Variants in FAT2 observed in about 807,000 individuals in gnomAD.
FAT2 encodes protocadherin Fat 2.
FAT2 carries 150 observed loss-of-function variants against 295.3 expected under a neutral mutation model. That is an observed-to-expected ratio of 0.51 (90% CI 0.44 to 0.58). The LOEUF (loss-of-function observed/expected upper bound fraction) is 0.58. Among genes scored for constraint, FAT2 ranks in the 20% least tolerant of loss-of-function variants. The pLI is 0.00. For missense variants in FAT2, 4,868 were observed against 5,442.7 expected, an observed-to-expected ratio of 0.89 and a Z score of 3.32; for synonymous variants, 2,026 against 2,150.3, an observed-to-expected ratio of 0.94 and a Z score of 1.60.
intron 1 of FAT2, among the ~76,000 whole-genome samples, chr5:151,580,398 T>C (rs993182545): frequency 1.3e-5 from 2 of 152,182 alleles, no homozygotes; most frequent in Non-Finnish European, 2.9e-5. Context: ...TCCTGGAGGA[T>C]TTAATGAACA....
chr5:151,526,276 A>G (rs971979579), intron 17 of FAT2, among the ~76,000 whole-genome samples: 7 of 152,238 alleles, frequency 4.6e-5, no homozygotes, highest in Non-Finnish European at 1.0e-4. Flanking sequence ...TCAAGATCAC[A>G]CACTGCTGAA....
intron 11 of FAT2, among the ~76,000 whole-genome samples, chr5:151,539,702 A>G (rs977843143): frequency 1.3e-5 from 2 of 152,226 alleles, no homozygotes; most frequent in African/African-American, 2.4e-5. Context: ...GTTAAAAACT[A>G]CTTACTGTGT....
At position 151,522,026 on chromosome 5, in the gene FAT2, C is replaced by T; in HGVS notation, c.10567G>A (p.Glu3523Lys). ...GCAGAAGGTGCATAGTGGCTCTGCT[C>T]TGTGACATGGACACGGACAGACGTC... ...SLTSVRVHVT[E>K]QSHYAPSALP... Residue 3523 changes from glutamate (E) to lysine (K), a missense_variant, in exon 19 of 24, where the codon GAG becomes AAG. Physicochemically the swap from Glu to Lys is moderately conservative, Grantham distance 56. Around this residue, in one of 5 missense-constraint regions of FAT2, gnomAD observed 1,046 missense variants for 1,210.1 expected, o/e 0.86. Coordinates refer to ENST00000261800, the MANE Select transcript of FAT2 (RefSeq NM_001447.3). 6.2e-7 allele frequency: 1 copy of T among 1,612,706 alleles called. No individual in the cohort carries two copies.
chr5:151,585,778 A>G (rs1024335372), intron 1 of FAT2, among the ~76,000 whole-genome samples: 3 of 152,240 alleles, frequency 2.0e-5, no homozygotes, highest in Admixed American at 6.5e-5. Flanking sequence ...TCAAGATGCT[A>G]TAATTCTCTG....
At chr5:151,550,427 A>G (rs1450210743) in intron 8 of FAT2, among the ~76,000 whole-genome samples, 163 bp downstream of exon 8, 1 of 152,136 alleles carries the variant, frequency 6.6e-6, no homozygotes, top group Admixed American at 6.5e-5. Flanking sequence ...ACTTCCAGGC[A>G]TCCCTTATGG....
At chr5:151,537,195 GAGAGAAAGAAGA>G (rs1298875546) in intron 12 of FAT2, among the ~76,000 whole-genome samples, 2 of 150,680 alleles carry the variant, frequency 1.3e-5, no homozygotes, top group African/African-American at 4.9e-5. Flanking sequence ...AAGAGAGAGA[GAGAGAAAGAAGA>G]AGAGGAAGAA....
chr5:151,580,417 T>C (rs1758902283), intron 1 of FAT2, among the ~76,000 whole-genome samples: 1 of 152,208 alleles, frequency 6.6e-6, no homozygotes, highest in Non-Finnish European at 1.5e-5. Context: ...CACATGCATG[T>C]ATGACATTTG....
chr5:151,521,846 G>T lies in FAT2; in HGVS notation c.10747C>A (p.Pro3583Thr). 6.2e-7 allele frequency: 1 copy of T among 1,614,218 alleles called. No homozygotes were observed. The highest frequency in any genetic ancestry group is 1.6e-4 in the Middle Eastern group (1 of 6,062). ...TLGRHFSVGAPDGKIIAAQGL... is the reference protein window; with the variant it reads ...TLGRHFSVGATDGKIIAAQGL... ...TGGGCGGCGATAATCTTGCCATCAG[G>T]CGCACCCACTGAGAAGTGCCTGCCC... The change falls in exon 19 of 24, where the codon CCT becomes ACT. Residue 3583 changes from proline to threonine, a missense_variant. Transcript: ENST00000261800.
chr5:151,536,568 C>T (rs1452281115), intron 12 of FAT2, among the ~76,000 whole-genome samples: 1 of 152,132 alleles, frequency 6.6e-6, no homozygotes, highest in Non-Finnish European at 1.5e-5. Context: ...AAAGGAAGTC[C>T]ACTCCACCAG....
intron 3 of FAT2, among the ~76,000 whole-genome samples, chr5:151,558,076 T>C (rs1757855799): frequency 6.6e-6 from 1 of 152,238 alleles, no homozygotes. Flanking sequence ...AACATCTTTC[T>C]GGCTTAAGTT....
chr5:151,567,740 T>C lies in FAT2; in HGVS notation c.1192A>G (p.Lys398Glu). 3 of 1,614,156 alleles carry C rather than the reference T, an allele frequency of 1.9e-6. No individual in the cohort carries two copies. The highest frequency in any genetic ancestry group is 2.5e-6 in the Non-Finnish European group (3 of 1,180,040). The change falls in exon 2 of 24, where the codon AAG becomes GAG. Residue 398 changes from lysine (K) to glutamate (E), a missense_variant. Transcript: ENST00000261800. ...AATCCTACATTCTCTGAAGATGGCT[T>C]TAGAACATACTGCAGGTTGGGGAAG... ...PAFPNLQYVLKPSSENVGFKL... is the reference protein window; with the variant it reads ...PAFPNLQYVLEPSSENVGFKL...
intron 11 of FAT2, among the ~76,000 whole-genome samples, chr5:151,538,229 GAGA>G (rs1272457534): frequency 2.0e-5 from 3 of 152,192 alleles, no homozygotes; most frequent in Admixed American, 6.5e-5. Context: ...AGAGAGAATG[GAGA>G]AGTTCTGTCA....
intron 12 of FAT2, among the ~76,000 whole-genome samples, chr5:151,536,061 G>A (rs775371458): frequency 1.2e-4 from 19 of 152,140 alleles, no homozygotes; most frequent in Non-Finnish European, 2.6e-4. Context: ...TAATTATATA[G>A]AGATTTTGGA....
At position 151,559,120 on chromosome 5, in the gene FAT2, G is replaced by A. The variant is rs1377834161; in HGVS notation, c.3575-2718C>T. On this transcript the variant is annotated intron_variant, in intron 3 of 23. Transcript: ENST00000261800. ...GCTCAGTGACAGAGCTGGGAGCTCA[G>A]CGAGGGGAACAGGGATTCAGTTCTG... Among the ~76,000 whole-genome samples, 5 of 152,374 alleles carry A rather than the reference G, an allele frequency of 3.3e-5. No homozygotes were observed. The East Asian group carries it at 9.6e-4, about 29-fold the overall frequency.
At chr5:151,578,289 G>A (rs1043190531) in intron 1 of FAT2, among the ~76,000 whole-genome samples, 7 of 152,168 alleles carry the variant, frequency 4.6e-5, no homozygotes, top group African/African-American at 1.4e-4. Flanking sequence ...TTGCCACTTC[G>A]ATCCAATGGA....
rs369165654 is a variant in FAT2 at position 151,525,974 on chromosome 5, G to A, written c.10309-9C>T. ...CCAATGGGGGAGTTCTCCTGAGACC[G>A]AGAGTGACAAAGAAGGCAAAGAGCA... On this transcript the variant is annotated splice_polypyrimidine_tract_variant and intron_variant, in intron 17 of 23. Transcript: ENST00000261800. 65 of 1,613,274 alleles carry A rather than the reference G, an allele frequency of 4.0e-5. No individual in the cohort carries two copies. The highest frequency in any genetic ancestry group is 3.3e-4 in the Middle Eastern group (2 of 6,084).
At position 151,546,664 on chromosome 5, in the gene FAT2, CT is replaced by C. The variant is rs141575330; in HGVS notation, c.4790-328del. On this transcript the variant is annotated intron_variant, in intron 9 of 23. Coordinates refer to ENST00000261800, the MANE Select transcript of FAT2 (RefSeq NM_001447.3). Reference sequence around the variant, plus strand: ...ACTCCACCCTGAATTTCAGTGATGCCTTTTGTAGGAAAAGCTTCAGTTTGCA... The same window carrying C: ...ACTCCACCCTGAATTTCAGTGATGCCTTTGTAGGAAAAGCTTCAGTTTGCA... 9.7e-3 allele frequency among the ~76,000 whole-genome samples: 1,470 copies of C among 152,136 alleles called. 21 individuals are homozygous for C. Among genetic ancestry groups the C allele is most frequent in the African/African-American group, 0.034 (1,407 of 41,478 alleles).
At chr5:151,569,660 T>C (rs1013042112) in intron 1 of FAT2, among the ~76,000 whole-genome samples, 2 of 114,914 alleles carry the variant, frequency 1.7e-5, no homozygotes, top group Non-Finnish European at 4.1e-5. Context: ...AACACAGTCC[T>C]GAACTCTTAC....
In FAT2 at chr5:151,568,568, T is replaced by C; in HGVS notation, c.364A>G (p.Thr122Ala). ...GCTTCCAACTCCAAGGTCTTCTCTG[T>C]GGCTTGGATGATGAGGGTGTAGCTG... is the stretch of plus-strand genomic sequence containing the variant. ...RDSYTLIIQA[T>A]EKTLELEALT... The change falls in exon 2 of 24, where the codon ACA (threonine) becomes GCA (alanine). Residue 122 changes from threonine to alanine, a missense_variant. Coordinates refer to ENST00000261800, the MANE Select transcript of FAT2 (RefSeq NM_001447.3). The C allele has an allele frequency of 6.2e-7, 1 of 1,614,128 alleles. No homozygotes were observed. Among genetic ancestry groups the C allele is most frequent in the Non-Finnish European group, 8.5e-7 (1 of 1,180,018 alleles).
Sources: allele counts gnomAD v4.1 joint callset (sites outside exome capture counted in the v4.1 genomes callset), GRCh38; gene constraint gnomAD v4.1.1; regional missense constraint gnomAD v4.1.1; transcripts MANE v1.5; gene names NCBI Gene and HGNC (gene_info 2026-07-23, HGNC 2026-07-21).